The following PGBD5 variants were observed in gnomAD, a reference collection of about 807,000 sequenced individuals.
PGBD5 encodes piggyBac transposable element-derived protein 5.
A neutral mutation model predicts 47.9 loss-of-function variants in PGBD5; 14 were observed. The observed-to-expected ratio is 0.29, with a 90% CI of 0.19 to 0.46. PGBD5 has a LOEUF of 0.46. Ranked by LOEUF, PGBD5 falls within the 20% of genes least tolerant of loss-of-function variation. PGBD5 has a pLI of 1.00. For missense variants in PGBD5, 635 were observed against 716.0 expected, an observed-to-expected ratio of 0.89 and a Z score of 1.29; for synonymous variants, 316 against 306.3, an observed-to-expected ratio of 1.03 and a Z score of -0.33.
At chr1:230,362,650 G>A (rs1378167633) in intron 1 of PGBD5, among the ~76,000 whole-genome samples, 1 of 152,254 alleles carries the variant, frequency 6.6e-6, no homozygotes, top group South Asian at 2.1e-4. Flanking sequence ...TGTGTGGCCC[G>A]TCTCCCGACC....
intron 1 of PGBD5, among the ~76,000 whole-genome samples, chr1:230,370,867 T>C (rs1667917668): frequency 6.6e-6 from 1 of 152,222 alleles, no homozygotes; most frequent in African/African-American, 2.4e-5. Flanking sequence ...AAGCTGCCCG[T>C]CTGTGATCTG....
chr1:230,421,090 C>T (rs1657637397), intron 1 of PGBD5, among the ~76,000 whole-genome samples: 1 of 152,138 alleles, frequency 6.6e-6, no homozygotes, highest in Admixed American at 6.5e-5. Flanking sequence ...GTATGCAAAG[C>T]CCCACCTCCT....
Position 230,332,944 on chromosome 1 carries a change from G to T in PGBD5, c.1173C>A (p.Gly391=), listed in dbSNP as rs2102815569. 1 of 1,614,188 alleles carries T rather than the reference G, an allele frequency of 6.2e-7. No individual in the cohort carries two copies. Among genetic ancestry groups the T allele is most frequent in the Middle Eastern group, 1.6e-4 (1 of 6,062 alleles). ...TCCCCTTCATCTTGATTTGGTACTG[G>T]CCCCGGGCCGGGGGTGTGGCTGGGT... is the stretch of plus-strand genomic sequence containing the variant. The part of the protein sequence containing the change: ...LTNPATPPAR[G]QYQIKMKGNM... Residue 391 remains glycine, a synonymous_variant, in exon 5 of 7, where the codon GGC becomes GGA. Coordinates refer to ENST00000391860, the MANE Select transcript of PGBD5 (RefSeq NM_001258311.2).
rs1488372662 is a variant in PGBD5 at position 230,337,242 on chromosome 1, G to A, written c.941C>T (p.Ala314Val). The change falls in exon 4 of 7, where the codon GCG becomes GTG. Residue 314 changes from alanine to valine, a missense_variant. Transcript: ENST00000391860. ...GTGGAGCTGGGGCTTATTCTTCAGC[G>A]CATCCAGGCCATCTGGGCCCCCACC... The part of the protein sequence containing the change: ...KEGGGPDGLD[A>V]LKNKPQLHSM... 12 of 1,613,810 alleles carry A rather than the reference G, an allele frequency of 7.4e-6. No individual in the cohort carries two copies. The highest frequency in any genetic ancestry group is 8.5e-6 in the Non-Finnish European group (10 of 1,179,958).
rs563640594 is a variant in PGBD5 at position 230,315,839 on chromosome 1, G to A, written c.*7586C>T. ...GCATACATATAGAGGTATACATATA[G>A]ATGCATATCTGTATACATGTGTATA... On this transcript the variant is annotated 3_prime_UTR_variant, in exon 7 of 7. Coordinates refer to ENST00000391860, the MANE Select transcript of PGBD5 (RefSeq NM_001258311.2). 3.0e-5 allele frequency: 4 copies of A among 133,170 alleles called. No individual in the cohort carries two copies. Among genetic ancestry groups the A allele is most frequent in the African/African-American group, 1.0e-4 (4 of 38,212 alleles). The allele number at this position is 133,170 out of a possible 1,614,324, so 8.2% of individuals were successfully genotyped here.
At chr1:230,419,128 T>C (rs900628734) in intron 1 of PGBD5, among the ~76,000 whole-genome samples, 14 of 152,210 alleles carry the variant, frequency 9.2e-5, no homozygotes, top group African/African-American at 1.4e-4. Flanking sequence ...TACAGTGCTA[T>C]TGACAATAGC....
chr1:230,343,650 T>C (rs1251656877), intron 3 of PGBD5, among the ~76,000 whole-genome samples: 1 of 152,212 alleles, frequency 6.6e-6, no homozygotes, highest in Admixed American at 6.5e-5. Context: ...ACACATGTCC[T>C]GCCCTGCCCA....
At chr1:230,348,614 T>C (rs1385656254) in intron 3 of PGBD5, among the ~76,000 whole-genome samples, 1 of 152,196 alleles carries the variant, frequency 6.6e-6, no homozygotes, top group African/African-American at 2.4e-5. Context: ...CTTCAAAAGC[T>C]GTCAAACCAA....
At chr1:230,327,840 G>T (rs968163106) in intron 5 of PGBD5, among the ~76,000 whole-genome samples, 2 of 152,214 alleles carry the variant, frequency 1.3e-5, no homozygotes, top group Admixed American at 1.3e-4. Context: ...CCAAGACCGA[G>T]TAGGAGTAAC....
chr1:230,376,229 A>G (rs2102722186), intron 1 of PGBD5, among the ~76,000 whole-genome samples: 1 of 152,272 alleles, frequency 6.6e-6, no homozygotes, highest in East Asian at 1.9e-4. Flanking sequence ...TTCACTAAGA[A>G]GAGGACTCCA....
Position 230,425,391 on chromosome 1 carries a change from G to A in PGBD5, c.331+207C>T, listed in dbSNP as rs891573548. Reference sequence around the variant, plus strand: ...TTGTCACTGGAAAAGTGCTGGCCACGGCCTCCGCCTTACCCTCTCCACCCA... The same window carrying A: ...TTGTCACTGGAAAAGTGCTGGCCACAGCCTCCGCCTTACCCTCTCCACCCA... On this transcript the variant is annotated intron_variant, in intron 1 of 6. Coordinates refer to ENST00000391860, the MANE Select transcript of PGBD5 (RefSeq NM_001258311.2). The surrounding 1 kb of genome is among the most constrained non-coding windows in gnomAD (Gnocchi z 4.7). Among the ~76,000 whole-genome samples, 3 of 152,160 alleles carry A rather than the reference G, an allele frequency of 2.0e-5. No individual in the cohort carries two copies. Among genetic ancestry groups the A allele is most frequent in the African/African-American group, 4.8e-5 (2 of 41,444 alleles).
chr1:230,393,841 A>T (rs909776589), intron 1 of PGBD5, among the ~76,000 whole-genome samples: 9 of 149,816 alleles, frequency 6.0e-5, no homozygotes, highest in East Asian at 1.9e-4. Context: ...AAAAAAAAAA[A>T]AAATAATAGG....
intron 3 of PGBD5, among the ~76,000 whole-genome samples, chr1:230,338,135 G>A (rs891628300): frequency 6.6e-6 from 1 of 150,570 alleles, no homozygotes; most frequent in Non-Finnish European, 1.5e-5. Flanking sequence ...CAGCTCGCAT[G>A]TTGCCTGTGG....
chr1:230,380,254 G>A lies in PGBD5; in HGVS notation c.332-22933C>T, dbSNP rs371049538. 1.8e-4 allele frequency among the ~76,000 whole-genome samples: 27 copies of A among 152,356 alleles called. 1 individual carries two copies. The highest frequency in any genetic ancestry group is 1.5e-3 in the East Asian group (8 of 5,192). ...CAGGATAGAAAACAAAGCCCTGTGT[G>A]GAAGAGACAGGCAGTACTTTCATGC... On this transcript the variant is annotated intron_variant, in intron 1 of 6. Coordinates refer to ENST00000391860, the MANE Select transcript of PGBD5 (RefSeq NM_001258311.2).
intron 3 of PGBD5, among the ~76,000 whole-genome samples, chr1:230,339,364 A>T (rs1420031285): frequency 1.3e-5 from 2 of 152,244 alleles, no homozygotes; most frequent in Non-Finnish European, 2.9e-5. Context: ...CTGATTTGGT[A>T]TAAATACGCA....
intron 4 of PGBD5, among the ~76,000 whole-genome samples, chr1:230,334,338 C>T (rs990796239): frequency 6.6e-6 from 1 of 152,058 alleles, no homozygotes; most frequent in Non-Finnish European, 1.5e-5. Flanking sequence ...AGGAGGATGA[C>T]ATGAACCAGG....
chr1:230,388,856 C>T (rs534364551), intron 1 of PGBD5, among the ~76,000 whole-genome samples: 2 of 152,340 alleles, frequency 1.3e-5, no homozygotes, highest in Admixed American at 6.5e-5. Context: ...GAGCTGCTAG[C>T]ACCTTGGGCT....
chr1:230,392,251 T>C (rs17715142), intron 1 of PGBD5, among the ~76,000 whole-genome samples: 8,128 of 152,264 alleles, frequency 0.053, 236 homozygotes, highest in South Asian at 0.074. Context: ...CACGGGTCCT[T>C]TGGGGATAAG....
chr1:230,373,208 T>C (rs1667955336), intron 1 of PGBD5, among the ~76,000 whole-genome samples: 1 of 152,186 alleles, frequency 6.6e-6, no homozygotes, highest in Non-Finnish European at 1.5e-5. Flanking sequence ...AACCACTCTG[T>C]GCAGGTGCAA....
Sources: gnomAD v4.1 joint callset for allele counts (sites outside exome capture counted in the v4.1 genomes callset) on GRCh38, gnomAD v4.1.1 for gene constraint, Gnocchi (gnomAD v3.1) non-coding constraint, MANE v1.5 for transcripts, NCBI Gene and HGNC (gene_info 2026-07-23, HGNC 2026-07-21) for gene names.